The following BAZ2B variants were observed in gnomAD, a reference collection of about 807,000 sequenced individuals.
BAZ2B encodes bromodomain adjacent to zinc finger domain protein 2B.
In BAZ2B, 91 loss-of-function variants were observed where a neutral mutation model predicts 246.0. The ratio of observed to expected loss-of-function variants is 0.37; its 90% CI spans 0.31 to 0.44. BAZ2B has a LOEUF of 0.44. BAZ2B is among the 20% of genes least tolerant of loss of function. The pLI is 1.00. For synonymous variants in BAZ2B, 855 were observed against 860.0 expected, an observed-to-expected ratio of 0.99 and a Z score of 0.10; for missense variants, 2,332 against 2,533.7, an observed-to-expected ratio of 0.92 and a Z score of 1.71.
At chr2:159,523,769 A>G (rs1321086123) in intron 2 of BAZ2B, among the ~76,000 whole-genome samples, 1 of 152,178 alleles carries the variant, frequency 6.6e-6, no homozygotes, top group Non-Finnish European at 1.5e-5. Context: ...TATTCTGTAC[A>G]TTAAAGTTTA....
chr2:159,605,783 T>G (rs1693344864), intron 1 of BAZ2B, among the ~76,000 whole-genome samples: 1 of 152,164 alleles, frequency 6.6e-6, no homozygotes. Context: ...TCAATTTAGC[T>G]TTTCTTCCCA....
chr2:159,658,453 C>T, the BAZ2B span, among the ~76,000 whole-genome samples: 2 of 152,130 alleles, frequency 1.3e-5, no homozygotes, highest in Admixed American at 1.3e-4. Flanking sequence ...CTCACCTAGG[C>T]CTCATGAGTA....
At chr2:159,493,361 T>C (rs141906090) in intron 2 of BAZ2B, among the ~76,000 whole-genome samples, 2,852 of 152,334 alleles carry the variant, frequency 0.019, 290 homozygotes, top group Admixed American at 0.17. Context: ...ATCTAAATGA[T>C]AATATTCTTC....
intron 2 of BAZ2B, among the ~76,000 whole-genome samples, chr2:159,526,092 G>T (rs2084699634): frequency 6.6e-6 from 1 of 152,168 alleles, no homozygotes; most frequent in African/African-American, 2.4e-5. Flanking sequence ...TTCATATATA[G>T]AAGTAGGGAT....
chr2:159,508,611 T>A (rs571158359), intron 2 of BAZ2B, among the ~76,000 whole-genome samples: 1 of 150,422 alleles, frequency 6.6e-6, no homozygotes. Context: ...TTGCCAAAAA[T>A]AAAAAAAAAA....
intron 27 of BAZ2B, among the ~76,000 whole-genome samples, chr2:159,369,867 C>T (rs2060629190): frequency 6.6e-6 from 1 of 152,144 alleles, no homozygotes; most frequent in African/African-American, 2.4e-5. Context: ...GATTTATATT[C>T]CGTTGGGTAT....
intron 2 of BAZ2B, among the ~76,000 whole-genome samples, chr2:159,496,941 TAAC>T (rs1364787929): frequency 6.6e-6 from 1 of 152,136 alleles, no homozygotes; most frequent in Non-Finnish European, 1.5e-5. Flanking sequence ...ATTATTTATT[TAAC>T]AACTATTTTT....
In BAZ2B at chr2:159,410,515, T is replaced by G. The variant is rs183788023; in HGVS notation, c.2677+1820A>C. On this transcript the variant is annotated intron_variant, in intron 14 of 36. Transcript: ENST00000392783. Reference sequence around the variant, plus strand: ...TGCTCTCTCTCTCTTCTGGGTGCCTTGTGAAGAAGGTGGCTGCTTCCCCTT... The same window carrying G: ...TGCTCTCTCTCTCTTCTGGGTGCCTGGTGAAGAAGGTGGCTGCTTCCCCTT... 7.1e-4 allele frequency among the ~76,000 whole-genome samples: 108 copies of G among 152,288 alleles called. 1 individual carries two copies. The South Asian group carries it at 0.01, about 15-fold the overall frequency.
At position 159,433,165 on chromosome 2, in the gene BAZ2B, T is replaced by A. The variant is rs778468593; in HGVS notation, c.1492A>T (p.Ile498Phe). ...GGAGCTTCTTGAATGACACTTTGAATAACTCCATTTGGTTGGTGATTACCT... is the reference window on the plus strand; with the variant it reads ...GGAGCTTCTTGAATGACACTTTGAAAAACTCCATTTGGTTGGTGATTACCT... ...LLGNHQPNGV[I>F]QSVIQEAPLA... Residue 498 changes from isoleucine (I) to phenylalanine (F), a missense_variant, in exon 9 of 37, where the codon ATT becomes TTT. Coordinates refer to ENST00000392783, the MANE Select transcript of BAZ2B (RefSeq NM_013450.4). The A allele has an allele frequency of 2.7e-5, 43 of 1,614,098 alleles. No individual in the cohort carries two copies. In the East Asian group the frequency reaches 9.1e-4, roughly 34 times the overall value.
chr2:159,534,973 G>A (rs949249842), intron 2 of BAZ2B, among the ~76,000 whole-genome samples: 17 of 152,188 alleles, frequency 1.1e-4, no homozygotes, highest in African/African-American at 4.1e-4. Flanking sequence ...ACGTAAAAAA[G>A]GGAAAAGTTA....
chr2:159,363,135 C>T (rs2059890259), intron 27 of BAZ2B, among the ~76,000 whole-genome samples: 1 of 152,190 alleles, frequency 6.6e-6, no homozygotes, highest in African/African-American at 2.4e-5. Context: ...AAAGGAAACA[C>T]ATGACCTGGT....
intron 2 of BAZ2B, among the ~76,000 whole-genome samples, chr2:159,547,304 G>T (rs892257172): frequency 6.6e-6 from 1 of 152,088 alleles, no homozygotes; most frequent in Admixed American, 6.6e-5. Flanking sequence ...ACAGCTTCAG[G>T]AATATTTGTA....
At chr2:159,663,521 T>C in the BAZ2B span, among the ~76,000 whole-genome samples, 1 of 149,902 alleles carries the variant, frequency 6.7e-6, no homozygotes, top group African/African-American at 2.5e-5. Context: ...ATGTTTTTTT[T>C]TTTTCTTTTT....
intron 2 of BAZ2B, among the ~76,000 whole-genome samples, chr2:159,495,354 G>A (rs1198552869): frequency 3.4e-5 from 5 of 148,802 alleles, no homozygotes; most frequent in South Asian, 2.1e-4. Flanking sequence ...GCGTAGTGGC[G>A]GGCGCCTGTA....
chr2:159,675,091 T>C, the BAZ2B span, among the ~76,000 whole-genome samples: 1 of 152,110 alleles, frequency 6.6e-6, no homozygotes, highest in East Asian at 1.9e-4. Context: ...CAGAATCCTC[T>C]CATTTTAGAC....
chr2:159,348,019 C>T (rs1052742652), intron 30 of BAZ2B, among the ~76,000 whole-genome samples: 3 of 152,004 alleles, frequency 2.0e-5, no homozygotes, highest in African/African-American at 4.8e-5. Flanking sequence ...GTTCACATCC[C>T]TTATATAAAA....
At chr2:159,614,065 G>A (rs1188765227) in intron 1 of BAZ2B, among the ~76,000 whole-genome samples, 1 of 152,096 alleles carries the variant, frequency 6.6e-6, no homozygotes, top group African/African-American at 2.4e-5. Context: ...ATTAAATACA[G>A]ACAGTTTCAT....
At chr2:159,530,493 A>C (rs6726515) in intron 2 of BAZ2B, among the ~76,000 whole-genome samples, 26,846 of 152,156 alleles carry the variant, frequency 0.18, 2,421 homozygotes, top group Middle Eastern at 0.2. Flanking sequence ...ATAAAATGCA[A>C]TATTTCTACA....
At position 159,453,700 on chromosome 2, in the gene BAZ2B, T is replaced by C; in HGVS notation, c.247A>G (p.Ser83Gly). Residue 83 changes from serine to glycine, a missense_variant, in exon 4 of 37, where the codon AGC becomes GGC. By Grantham distance (56) the Ser-to-Gly change is moderately conservative. Coordinates refer to ENST00000392783, the MANE Select transcript of BAZ2B (RefSeq NM_013450.4). Reference protein sequence around the residue: ...SHPVFGLHSASSGHSEFGGLG... With the variant: ...SHPVFGLHSAGSGHSEFGGLG... Reference sequence around the variant, plus strand: ...CCACCAAATTCTGAATGCCCTGAGCTGGCTGAATGTAGACCAAAGACTGGG... The same window carrying C: ...CCACCAAATTCTGAATGCCCTGAGCCGGCTGAATGTAGACCAAAGACTGGG... 6.2e-7 allele frequency: 1 copy of C among 1,613,864 alleles called. No homozygotes were observed. The highest frequency in any genetic ancestry group is 8.5e-7 in the Non-Finnish European group (1 of 1,179,862).
Sources: allele counts gnomAD v4.1 joint callset (sites outside exome capture counted in the v4.1 genomes callset), GRCh38; gene constraint gnomAD v4.1.1; transcripts MANE v1.5; gene names NCBI Gene and HGNC (gene_info 2026-07-23, HGNC 2026-07-21).